The following MATN2 variants were observed in gnomAD, a reference collection of about 807,000 sequenced individuals.
MATN2 encodes the protein matrilin 2.
In MATN2, 69 loss-of-function variants were observed where a neutral mutation model predicts 103.2. The observed-to-expected ratio is 0.67, with a 90% CI of 0.55 to 0.82. The LOEUF (loss-of-function observed/expected upper bound fraction) is 0.82. Among genes scored for constraint, MATN2 ranks in the 40% least tolerant of loss-of-function variants. The pLI is 0.00. For missense variants in MATN2, 1,023 were observed against 1,211.5 expected, an observed-to-expected ratio of 0.84 and a Z score of 2.31; for synonymous variants, 429 against 450.2, an observed-to-expected ratio of 0.95 and a Z score of 0.60.
At chr8:97,905,031 A>G (rs191521497) in intron 2 of MATN2, among the ~76,000 whole-genome samples, 1 of 152,342 alleles carries the variant, frequency 6.6e-6, no homozygotes. Flanking sequence ...GCCATCAGAG[A>G]TAACTCAAAA....
intron 2 of MATN2, among the ~76,000 whole-genome samples, chr8:97,912,795 G>A (rs537110501): frequency 2.6e-5 from 4 of 152,306 alleles, no homozygotes; most frequent in African/African-American, 7.2e-5. Context: ...GGGGTGATAC[G>A]TGAGTGAGGC....
chr8:97,998,332 A>C (rs1285194188), intron 7 of MATN2, among the ~76,000 whole-genome samples: 1 of 150,476 alleles, frequency 6.6e-6, no homozygotes, highest in South Asian at 2.1e-4. Flanking sequence ...CATCCTGGCT[A>C]ACACGGTGAA....
intron 2 of MATN2, among the ~76,000 whole-genome samples, chr8:97,890,242 G>A (rs530457161): frequency 1.3e-5 from 2 of 152,062 alleles, no homozygotes; most frequent in South Asian, 2.1e-4. Context: ...CGAGGTGGGC[G>A]GATCACAAGG....
chr8:97,888,157 C>T lies in MATN2; in HGVS notation c.57C>T (p.Leu19=). 1 of 1,609,798 alleles carries T rather than the reference C, an allele frequency of 6.2e-7. No homozygotes were observed. Among genetic ancestry groups the T allele is most frequent in the East Asian group, 2.2e-5 (1 of 44,608 alleles). ...FLLILGQIVL[L]PAEARERSRG... is the part of the protein sequence containing the mutation. Reference sequence around the variant, plus strand: ...TGATCCTCGGACAGATCGTCCTCCTCCCTGCCGAGGCCAGGGAGCGGTCAC... The same window carrying T: ...TGATCCTCGGACAGATCGTCCTCCTTCCTGCCGAGGCCAGGGAGCGGTCAC... The change falls in exon 2 of 19, where the codon CTC becomes CTT. Residue 19 remains leucine (L), a synonymous_variant. Coordinates refer to ENST00000254898, the MANE Select transcript of MATN2 (RefSeq NM_002380.5).
In MATN2 at chr8:97,931,293, G is replaced by C. The variant is rs1310602018; in HGVS notation, c.483G>C (p.Val161=). The C allele has an allele frequency of 1.2e-6, 2 of 1,613,818 alleles. No individual in the cohort carries two copies. Among genetic ancestry groups the C allele is most frequent in the Non-Finnish European group, 1.7e-6 (2 of 1,179,892 alleles). The part of the protein sequence containing the change: ...AEGARPLREN[V]PRVIMIVTDG... ...GGGCCCGGCCCCTGAGGGAGAATGTGCCACGGGTCATAATGATCGTGACAG... is the reference window on the plus strand; with the variant it reads ...GGGCCCGGCCCCTGAGGGAGAATGTCCCACGGGTCATAATGATCGTGACAG... Residue 161 remains valine, a synonymous_variant, in exon 3 of 19, where the codon GTG becomes GTC. Transcript: ENST00000254898. The surrounding 1 kb of genome is among the most constrained non-coding windows in gnomAD (Gnocchi z 4.1).
intron 2 of MATN2, among the ~76,000 whole-genome samples, chr8:97,900,502 G>T (rs896421715): frequency 6.6e-6 from 1 of 152,208 alleles, no homozygotes; most frequent in Non-Finnish European, 1.5e-5. Flanking sequence ...TAAGTAAACT[G>T]CGGAGGAATT....
chr8:97,905,765 T>G (rs1382611732), intron 2 of MATN2, among the ~76,000 whole-genome samples: 1 of 152,094 alleles, frequency 6.6e-6, no homozygotes, highest in Non-Finnish European at 1.5e-5. Flanking sequence ...CTGGCTCAGG[T>G]GATCTTTCCA....
intron 1 of MATN2, among the ~76,000 whole-genome samples, chr8:97,876,441 G>A (rs1818072161): frequency 6.6e-6 from 1 of 151,082 alleles, no homozygotes; most frequent in Non-Finnish European, 1.5e-5. Flanking sequence ...TGCCTGCCTT[G>A]GCCTCCCAAA....
chr8:98,035,454 A>G (rs1178690544), intron 18 of MATN2, among the ~76,000 whole-genome samples: 2 of 151,534 alleles, frequency 1.3e-5, no homozygotes, highest in Admixed American at 6.6e-5. Context: ...AAAAAAAAAA[A>G]CCCAAAATAT....
chr8:97,958,258 G>T (rs2130248559), intron 4 of MATN2, among the ~76,000 whole-genome samples: 1 of 152,314 alleles, frequency 6.6e-6, no homozygotes, highest in East Asian at 1.9e-4. Flanking sequence ...TAGGGTTCCT[G>T]CCAGACCCCT....
chr8:98,000,596 CAA>C (rs67682756), intron 7 of MATN2, among the ~76,000 whole-genome samples: 4 of 49,592 alleles, frequency 8.1e-5, no homozygotes, highest in Non-Finnish European at 5.3e-5. Context: ...GACTCCGTCT[CAA>C]AAAAAAAAAA....
chr8:97,964,802 C>T (rs572790624), intron 5 of MATN2, among the ~76,000 whole-genome samples: 2 of 151,750 alleles, frequency 1.3e-5, no homozygotes, highest in East Asian at 1.9e-4. Context: ...GGCGCGACCT[C>T]GGCTCACTGC....
chr8:97,963,142 A>G (rs1563694294), intron 5 of MATN2, among the ~76,000 whole-genome samples: 1 of 152,232 alleles, frequency 6.6e-6, no homozygotes, highest in Admixed American at 6.5e-5. Flanking sequence ...TCAAACAAAC[A>G]AACAAATAAA....
rs1813009446 is a variant in MATN2, at chr8:98,007,379, C to G, written c.1451-100C>G. On this transcript the variant is annotated intron_variant, in intron 9 of 18. Transcript: ENST00000254898. The surrounding 1 kb of genome is among the most constrained non-coding windows in gnomAD (Gnocchi z 4.2). ...TGAGGATGTCCACTGGGACTGCATG[C>G]CTTCGAGGGAGGGCGGGGTGAGCAT... The G allele has an allele frequency of 5.1e-6, 8 of 1,553,980 alleles. No individual in the cohort carries two copies. In the East Asian group the frequency reaches 6.8e-5, roughly 13 times the overall value.
At chr8:97,889,459 C>CTATATATATATATGTATATATA (rs1818555002) in intron 2 of MATN2, among the ~76,000 whole-genome samples, 1 of 123,366 alleles carries the variant, frequency 8.1e-6, no homozygotes, top group Non-Finnish European at 1.7e-5. Flanking sequence ...CTCTCTCTGT[C>CTATATATATATATGTATATATA]TATATATATA....
At chr8:97,961,344 C>A (rs1470576910) in intron 4 of MATN2, 64 bp from the exon 5 acceptor site, 4 of 1,490,980 alleles carry the variant, frequency 2.7e-6, no homozygotes, top group Admixed American at 2.0e-5. Context: ...GTTGCCTCAC[C>A]CTGGGCTGGG....
chr8:97,931,094 G>T lies in MATN2; in HGVS notation c.284G>T (p.Arg95Leu), dbSNP rs377512829. The T allele has an allele frequency of 1.4e-5, 22 of 1,613,872 alleles. No homozygotes were observed. The East Asian group carries it at 4.7e-4, about 34-fold the overall frequency. The change falls in exon 3 of 19, where the codon CGA becomes CTA. Residue 95 changes from arginine (R) to leucine (L), a missense_variant. By Grantham distance (102) the Arg-to-Leu change is moderately radical. Coordinates refer to ENST00000254898, the MANE Select transcript of MATN2 (RefSeq NM_002380.5). This position sits in a 1 kb window ranked among gnomAD's most constrained non-coding sequence, Gnocchi z 4.1. ...TTGGACATTGGTCCTGATGTCACCCGAGTGGGCCTGCTCCAATATGGCAGC... is the reference window on the plus strand; with the variant it reads ...TTGGACATTGGTCCTGATGTCACCCTAGTGGGCCTGCTCCAATATGGCAGC... The part of the protein sequence containing the change: ...QFLDIGPDVT[R>L]VGLLQYGSTV...
In MATN2 at chr8:98,016,513, TTTCTCTAATTCCCATTTGA is replaced by T; in HGVS notation, c.1574-21_1574-3del. 6.3e-7 allele frequency: 1 copy of T among 1,590,280 alleles called. No individual in the cohort carries two copies. Among genetic ancestry groups the T allele is most frequent in the African/African-American group, 1.3e-5 (1 of 74,668 alleles). The stretch of plus-strand genomic sequence containing the variant: ...ATATATGAGTCATTTTCTTCTTCTG[TTTCTCTAATTCCCATTTGA>T]TTCTCAGAATTGGACTCTTGTGCTC... On this transcript the variant is annotated splice_region_variant and splice_polypyrimidine_tract_variant and intron_variant, in intron 10 of 18. Coordinates refer to ENST00000254898, the MANE Select transcript of MATN2 (RefSeq NM_002380.5).
At chr8:97,886,657 G>A (rs551425914) in intron 1 of MATN2, among the ~76,000 whole-genome samples, 1 of 152,100 alleles carries the variant, frequency 6.6e-6, no homozygotes, top group African/African-American at 2.4e-5. Flanking sequence ...AAGGTTGACA[G>A]GCCCAGGTCC....
Sources: allele counts gnomAD v4.1 joint callset (sites outside exome capture counted in the v4.1 genomes callset), GRCh38; gene constraint gnomAD v4.1.1; non-coding constraint Gnocchi (gnomAD v3.1); transcripts MANE v1.5; gene names NCBI Gene and HGNC (gene_info 2026-07-23, HGNC 2026-07-21).